Variants in GNB5 observed in about 807,000 individuals in gnomAD.
The protein encoded by GNB5 is G protein subunit beta 5.
GNB5 carries 37 observed loss-of-function variants against 55.3 expected under a neutral mutation model. The ratio of observed to expected loss-of-function variants is 0.67; its 90% confidence interval spans 0.51 to 0.88. The LOEUF is 0.88. GNB5 is among the 40% of genes least tolerant of loss of function. GNB5 has a pLI of 0.00. For synonymous variants in GNB5, 219 were observed against 198.5 expected, an observed-to-expected ratio of 1.10 and a Z score of -0.87; for missense variants, 476 against 515.3, an observed-to-expected ratio of 0.92 and a Z score of 0.74.
At position 52,121,990 on chromosome 15, in the gene GNB5, C is replaced by T. The variant is rs2033281651; in HGVS notation, c.*767G>A. On this transcript the variant is annotated 3_prime_UTR_variant, in exon 13 of 13. Coordinates refer to ENST00000261837, the MANE Select transcript of GNB5 (RefSeq NM_016194.4). ...ATAAGTTTACTATCTTGTGTTCCCA[C>T]ACAGAAGACTTTTCTTTGCTCTCAG... The T allele has an allele frequency of 6.6e-6, 1 of 152,204 alleles. No homozygotes were observed. 9.4% of individuals were successfully genotyped at this position (152,204 alleles called of 1,614,324 possible). A position where few individuals can be genotyped will look rare whatever the true frequency, so the allele number is the denominator to read the frequency against.
intron 3 of GNB5, chr15:52,162,768 T>C (rs1350867647): frequency 6.6e-6 from 1 of 152,100 alleles, no homozygotes; most frequent in East Asian, 1.9e-4. Context: ...CCGAGTGCAA[T>C]GGTGTTTACT....
Position 52,133,358 on chromosome 15 carries a change from TG to T in GNB5, c.863+19del, listed in dbSNP as rs1420869054. On this transcript the variant is annotated intron_variant, in intron 9 of 12. Coordinates refer to ENST00000261837, the MANE Select transcript of GNB5 (RefSeq NM_016194.4). ...ATGCCGGCAGAACAGAGAGGTGGCA[TG>T]AACATTCTACTCACTGACCGGACAC... 2 of 1,494,808 alleles carry T rather than the reference TG, an allele frequency of 1.3e-6. No homozygotes were observed. The highest frequency in any genetic ancestry group is 4.5e-5 in the East Asian group (2 of 44,328). The allele number at this position is 1,494,808 out of a possible 1,614,324, so 92.6% of individuals were successfully genotyped here.
intron 2 of GNB5, among the ~76,000 whole-genome samples, chr15:52,182,328 C>T (rs1405227984): frequency 6.6e-6 from 1 of 152,208 alleles, no homozygotes; most frequent in African/African-American, 2.4e-5. Context: ...CTCATCACCT[C>T]CTTAGGCTGG....
chr15:52,124,886 C>G, intron 11 of GNB5: 2 of 364,200 alleles, frequency 5.5e-6, no homozygotes, highest in Non-Finnish European at 1.0e-5. Flanking sequence ...GCTTTACACA[C>G]GTAAAGTGCT....
intron 3 of GNB5, among the ~76,000 whole-genome samples, chr15:52,171,380 C>A (rs1441623949): frequency 6.6e-6 from 1 of 152,060 alleles, no homozygotes; most frequent in African/African-American, 2.4e-5. Context: ...CTATGAAATA[C>A]ATGAAAATAT....
chr15:52,176,599 T>G (rs2034655389), intron 3 of GNB5, among the ~76,000 whole-genome samples: 1 of 152,056 alleles, frequency 6.6e-6, no homozygotes, highest in South Asian at 2.1e-4. Flanking sequence ...TCAGAAATCA[T>G]CTCTCGCTCT....
intron 1 of GNB5, among the ~76,000 whole-genome samples, chr15:52,186,464 A>G (rs1236302331): frequency 1.3e-5 from 2 of 152,150 alleles, no homozygotes; most frequent in Non-Finnish European, 2.9e-5. Context: ...TAGGAAAGAG[A>G]GAAGGAGCTG....
At chr15:52,177,679 A>T (rs2034679015) in intron 3 of GNB5, among the ~76,000 whole-genome samples, 1 of 151,780 alleles carries the variant, frequency 6.6e-6, no homozygotes, top group Non-Finnish European at 1.5e-5. Flanking sequence ...AAAGAAAAGT[A>T]GAGAAATGAG....
chr15:52,138,745 A>G (rs1289901150), intron 7 of GNB5: 3 of 152,128 alleles, frequency 2.0e-5, no homozygotes, highest in African/African-American at 7.2e-5. Flanking sequence ...GGTCCAAACA[A>G]TTTTCTTTAA....
Position 52,149,927 on chromosome 15 carries a change from T to A in GNB5, c.376-2A>T. ...ATCCCACACGATCACCTTCCCATCC[T>A]GGAGGGAGAAGAGCAAACAGTTTAG... On this transcript the variant is annotated splice_acceptor_variant, in intron 4 of 12. Transcript: ENST00000261837. LOFTEE classifies it high-confidence loss of function. 2 of 1,609,564 alleles carry A rather than the reference T, an allele frequency of 1.2e-6. No individual in the cohort carries two copies. The highest frequency in any genetic ancestry group is 1.7e-6 in the Non-Finnish European group (2 of 1,175,848).
At chr15:52,179,686 G>GC in intron 3 of GNB5, 82 bp downstream of exon 3, 252 of 739,956 alleles carry the variant, frequency 3.4e-4, no homozygotes, top group Non-Finnish European at 4.0e-4. Context: ...AGCCACGACC[G>GC]CCCCCACCGC....
At chr15:52,188,623 CAAGA>C (rs1184008946) in intron 1 of GNB5, among the ~76,000 whole-genome samples, 2 of 152,176 alleles carry the variant, frequency 1.3e-5, no homozygotes, top group Non-Finnish European at 1.5e-5. Flanking sequence ...AGCATTTTGA[CAAGA>C]AAGACAGAAA....
At chr15:52,152,751 G>A (rs1266035996) in intron 4 of GNB5, among the ~76,000 whole-genome samples, 2 of 149,852 alleles carry the variant, frequency 1.3e-5, no homozygotes, top group Non-Finnish European at 1.5e-5. Context: ...CCACCTCAGC[G>A]TCCCAAGTAG....
At chr15:52,177,359 T>C (rs1392692771) in intron 3 of GNB5, among the ~76,000 whole-genome samples, 1 of 151,308 alleles carries the variant, frequency 6.6e-6, no homozygotes, top group East Asian at 1.9e-4. Context: ...AAAATAAAGA[T>C]GAATAAAGAA....
intron 3 of GNB5, among the ~76,000 whole-genome samples, chr15:52,163,142 G>A (rs2034371074): frequency 2.0e-5 from 3 of 152,320 alleles, no homozygotes; most frequent in Admixed American, 2.0e-4. Flanking sequence ...CCACGCCCGG[G>A]AAACCACGCT....
At chr15:52,133,136 T>A (rs979821650) in intron 9 of GNB5, among the ~76,000 whole-genome samples, 8 of 152,192 alleles carry the variant, frequency 5.3e-5, no homozygotes, top group African/African-American at 1.9e-4. Flanking sequence ...ATTTATTGAA[T>A]GAATGGATGA....
intron 1 of GNB5, among the ~76,000 whole-genome samples, chr15:52,190,468 G>A (rs1313087156): frequency 1.3e-5 from 2 of 152,128 alleles, no homozygotes; most frequent in Non-Finnish European, 2.9e-5. Flanking sequence ...CTTCACAAAT[G>A]AGGATACTTA....
At chr15:52,133,589 C>G (rs1596060771) in intron 8 of GNB5, 120 bp from the exon 9 acceptor site, 1 of 678,336 alleles carries the variant, frequency 1.5e-6, no homozygotes, top group East Asian at 2.7e-5. Context: ...TGACAACACA[C>G]TTTTCTGAGA....
At chr15:52,176,736 T>G (rs928068336) in intron 3 of GNB5, among the ~76,000 whole-genome samples, 2 of 152,100 alleles carry the variant, frequency 1.3e-5, no homozygotes, top group Non-Finnish European at 2.9e-5. Context: ...ACACTTCATT[T>G]CCCTCCCTCA....
Sources: gnomAD v4.1 joint callset for allele counts (sites outside exome capture counted in the v4.1 genomes callset) on GRCh38, gnomAD v4.1.1 for gene constraint, MANE v1.5 for transcripts, NCBI Gene and HGNC (gene_info 2026-07-23, HGNC 2026-07-21) for gene names.